CDYL2: variants seen among roughly 807,000 people sequenced by gnomAD.
CDYL2 encodes chromodomain Y-like protein 2.
A neutral mutation model predicts 49.4 loss-of-function variants in CDYL2; 23 were observed. The observed-to-expected ratio is 0.47, with a 90% CI of 0.34 to 0.66. The LOEUF (loss-of-function observed/expected upper bound fraction) is 0.66. Among genes scored for constraint, CDYL2 ranks in the 30% least tolerant of loss-of-function variants. The probability of loss-of-function intolerance (pLI) is 0.01; values close to 1 mark genes in which losing one functional copy is unlikely to be tolerated. For synonymous variants in CDYL2, 360 were observed against 268.8 expected (o/e 1.34, Z -3.32); for missense variants, 678 against 656.4 (o/e 1.03, Z -0.36).
At chr16:80,794,067 A>G (rs960052301) in intron 1 of CDYL2, among the ~76,000 whole-genome samples, 1 of 152,240 alleles carries the variant, frequency 6.6e-6, no homozygotes, top group African/African-American at 2.4e-5. Context: ...GTTTGAAATC[A>G]GAGAAGGAAA....
chr16:80,752,806 T>C (rs957117047), intron 1 of CDYL2, among the ~76,000 whole-genome samples: 1 of 152,186 alleles, frequency 6.6e-6, no homozygotes, highest in African/African-American at 2.4e-5. Flanking sequence ...CAGTGTGACA[T>C]CACTGAATGT....
chr16:80,769,131 C>A (rs1417216276), intron 1 of CDYL2, among the ~76,000 whole-genome samples: 1 of 152,192 alleles, frequency 6.6e-6, no homozygotes, highest in African/African-American at 2.4e-5. Flanking sequence ...GGGCTACAGC[C>A]ATGCCCAGAG....
chr16:80,614,595 G>A (rs925272194), intron 4 of CDYL2, among the ~76,000 whole-genome samples: 9 of 152,190 alleles, frequency 5.9e-5, no homozygotes, highest in African/African-American at 2.2e-4. Context: ...GCTGGGCATG[G>A]TCATTCACGC....
intron 2 of CDYL2, among the ~76,000 whole-genome samples, chr16:80,655,006 A>G (rs1908744283): frequency 6.6e-6 from 1 of 152,146 alleles, no homozygotes; most frequent in Non-Finnish European, 1.5e-5. Context: ...GCCCAGGCAG[A>G]TCCAGGGCAC....
At position 80,799,294 on chromosome 16, in the gene CDYL2, A is replaced by G. The variant is rs73583952; in HGVS notation, c.24+4856T>C. Among the ~76,000 whole-genome samples the G allele has an allele frequency of 8.2e-3, 1,253 of 152,214 alleles. 20 individuals are homozygous for G. Among genetic ancestry groups the G allele is most frequent in the African/African-American group, 0.028 (1,180 of 41,524 alleles). ...TTTCATTTTTTAGAGATGCTTTCAA[A>G]AACAGAAAAGATAATATTCTCAAGC... On this transcript the variant is annotated intron_variant, in intron 1 of 6. Transcript: ENST00000570137.
At chr16:80,627,962 CA>C (rs1296762670) in intron 3 of CDYL2, 6 of 152,330 alleles carry the variant, frequency 3.9e-5, no homozygotes, top group African/African-American at 1.2e-4. Flanking sequence ...CCCAGATAAC[CA>C]AATTAATTAG....
In CDYL2 at chr16:80,608,106, A is replaced by C; in HGVS notation, c.1348T>G (p.Ser450Ala). ...EVMLRVKEMA[S>A]CSAVVLEESK... ...CAGGAACTCACCACGGCACTGCAGG[A>C]TGCCATCTCCTTGACCCGCAGCATG... Residue 450 changes from serine (S) to alanine (A), a missense_variant, in exon 6 of 7, where the codon TCC becomes GCC. By Grantham distance (99) the Ser-to-Ala change is moderately conservative (BLOSUM62 1). Around this residue, in one of 3 missense-constraint regions of CDYL2, gnomAD observed 153 missense variants for 150.6 expected, o/e 1.02. Transcript: ENST00000570137. The C allele has an allele frequency of 6.3e-7, 1 of 1,593,108 alleles. No individual in the cohort carries two copies.
rs59240300 is a variant in CDYL2 at position 80,759,102 on chromosome 16, CTATATATATATATATATATATATA to C, written c.24+45024_24+45047del. On this transcript the variant is annotated intron_variant, in intron 1 of 6. Transcript: ENST00000570137. ...AAATGTAATATCTACAAACCATATA[CTATATATATATATATATATATATA>C]TATATATATATATGGTTTATATAAA... Among the ~76,000 whole-genome samples, 74 of 63,368 alleles carry C rather than the reference CTATATATATATATATATATATATA, an allele frequency of 1.2e-3. 1 individual carries two copies. Among genetic ancestry groups the C allele is most frequent in the African/African-American group, 5.2e-3 (68 of 12,992 alleles). 41.6% of individuals were successfully genotyped at this position (63,368 alleles called of 152,430 possible).
At chr16:80,775,437 C>T (rs1375674089) in intron 1 of CDYL2, among the ~76,000 whole-genome samples, 1 of 151,822 alleles carries the variant, frequency 6.6e-6, no homozygotes, top group Non-Finnish European at 1.5e-5. Context: ...GTCTAAGGAG[C>T]TTGCCTTTTT....
intron 3 of CDYL2, 106 bp from the exon 4 acceptor site, chr16:80,621,041 C>G (rs1232221070): frequency 7.8e-7 from 1 of 1,281,612 alleles, no homozygotes; most frequent in East Asian, 2.7e-5. Flanking sequence ...GGGTAGAGGC[C>G]AGGGAATCTG....
At chr16:80,772,074 A>G (rs568404128) in intron 1 of CDYL2, among the ~76,000 whole-genome samples, 1 of 152,306 alleles carries the variant, frequency 6.6e-6, no homozygotes, top group African/African-American at 2.4e-5. Context: ...CAGCCAGAAG[A>G]CAATGGAATG....
intron 1 of CDYL2, among the ~76,000 whole-genome samples, chr16:80,714,678 C>G (rs1044704087): frequency 6.6e-6 from 1 of 152,106 alleles, no homozygotes; most frequent in Non-Finnish European, 1.5e-5. Context: ...CCATAAAATC[C>G]CAGCATACCT....
intron 1 of CDYL2, among the ~76,000 whole-genome samples, chr16:80,740,614 C>T (rs762428675): frequency 1.9e-4 from 29 of 152,136 alleles, no homozygotes; most frequent in Non-Finnish European, 3.4e-4. Context: ...TATATCTTCA[C>T]AGCCCAAGTG....
chr16:80,669,096 C>T (rs944197220), intron 2 of CDYL2, among the ~76,000 whole-genome samples: 2 of 151,842 alleles, frequency 1.3e-5, no homozygotes, highest in East Asian at 1.9e-4. Flanking sequence ...AAATTTGTCT[C>T]CTCTTTCTTG....
chr16:80,755,020 C>T (rs1167747362), intron 1 of CDYL2, among the ~76,000 whole-genome samples: 1 of 152,174 alleles, frequency 6.6e-6, no homozygotes, highest in Non-Finnish European at 1.5e-5. Context: ...AGGGAAAAAG[C>T]AGGTGCTTGG....
chr16:80,757,648 A>T (rs1567596870), intron 1 of CDYL2, among the ~76,000 whole-genome samples: 1 of 151,710 alleles, frequency 6.6e-6, no homozygotes, highest in Admixed American at 6.6e-5. Context: ...TGATATCTAT[A>T]TATTTATTTG....
At chr16:80,745,837 C>G (rs552353544) in intron 1 of CDYL2, among the ~76,000 whole-genome samples, 16 of 152,286 alleles carry the variant, frequency 1.1e-4, no homozygotes, top group East Asian at 3.9e-4. Flanking sequence ...CGACCTTCCA[C>G]TTATGTTGTC....
chr16:80,640,810 G>A (rs1183737744), intron 2 of CDYL2, among the ~76,000 whole-genome samples: 1 of 152,172 alleles, frequency 6.6e-6, no homozygotes, highest in Non-Finnish European at 1.5e-5. Context: ...CTGGCATAGT[G>A]AAGAATGCAG....
At chr16:80,636,266 C>G (rs191041001) in intron 2 of CDYL2, among the ~76,000 whole-genome samples, 1 of 152,102 alleles carries the variant, frequency 6.6e-6, no homozygotes, top group Non-Finnish European at 1.5e-5. Flanking sequence ...CGAGAGTGAA[C>G]AGGCAACCTA....
Sources: allele counts gnomAD v4.1 joint callset (sites outside exome capture counted in the v4.1 genomes callset), GRCh38; gene constraint gnomAD v4.1.1; regional missense constraint gnomAD v4.1.1; transcripts MANE v1.5; gene names NCBI Gene and HGNC (gene_info 2026-07-23, HGNC 2026-07-21).